TUBGCP2: variants seen among roughly 807,000 people sequenced by gnomAD.
The protein encoded by TUBGCP2 is gamma-tubulin complex component 2.
TUBGCP2 carries 55 observed loss-of-function variants against 92.2 expected under a neutral mutation model. The ratio of observed to expected loss-of-function variants is 0.60; its 90% CI spans 0.48 to 0.75. The LOEUF is 0.75. Among genes scored for constraint, TUBGCP2 ranks in the 30% least tolerant of loss-of-function variants. The pLI is 0.00. For synonymous variants in TUBGCP2, 533 were observed against 505.2 expected, an observed-to-expected ratio of 1.06 and a Z score of -0.74; for missense variants, 1,093 against 1,188.9, an observed-to-expected ratio of 0.92 and a Z score of 1.19.
rs1847707460 is a variant in TUBGCP2, at chr10:133,302,874, T to C, written c.68A>G (p.Asp23Gly). ...LLSLLRVHGG[D>G]GAEVYIDLLQ... is the part of the protein sequence containing the mutation. ...CAGGTCAATGTAGACCTCAGCCCCA[T>C]CTCCTCCGTGGACACGCAGCAGGCT... The change falls in exon 2 of 18, where the codon GAT (aspartate) becomes GGT (glycine). Residue 23 changes from aspartate to glycine, a missense_variant. Asp to Gly is a moderately conservative substitution (Grantham distance 94, BLOSUM62 -1). Around this residue, in one of 3 missense-constraint regions of TUBGCP2, gnomAD observed 490 missense variants for 488.5 expected, o/e 1.00. Transcript: ENST00000252936. The C allele has an allele frequency of 1.9e-6, 3 of 1,614,024 alleles. No homozygotes were observed. Among genetic ancestry groups the C allele is most frequent in the African/African-American group, 2.7e-5 (2 of 75,044 alleles).
intron 2 of TUBGCP2, 30 bp downstream of exon 2, chr10:133,302,762 G>T (rs369099647): frequency 1.9e-6 from 3 of 1,611,274 alleles, no homozygotes; most frequent in Admixed American, 1.7e-5. Flanking sequence ...TGCTCACCCT[G>T]CACAGCGCTA....
At chr10:133,311,945 A>G, upstream of TUBGCP2, 2 of 1,612,902 alleles carry the variant, frequency 1.2e-6, no homozygotes, top group South Asian at 2.2e-5. Flanking sequence ...GAATTCAGAA[A>G]GGTAACGCTG....
intron 1 of TUBGCP2, among the ~76,000 whole-genome samples, chr10:133,305,766 A>G (rs943741558): frequency 6.6e-6 from 1 of 152,168 alleles, no homozygotes; most frequent in Non-Finnish European, 1.5e-5. Context: ...AAATGGAAGG[A>G]GAGCGATAAG....
intron 5 of TUBGCP2, among the ~76,000 whole-genome samples, chr10:133,294,914 C>T (rs1403143321): frequency 6.6e-6 from 1 of 152,176 alleles, no homozygotes; most frequent in Admixed American, 6.5e-5. Flanking sequence ...AAACCGAGAC[C>T]CCAATGTCTA....
chr10:133,295,108 T>C (rs1363250207), intron 5 of TUBGCP2: 1 of 151,322 alleles, frequency 6.6e-6, no homozygotes, highest in Non-Finnish European at 1.5e-5. Context: ...TGCCGTGGGG[T>C]GGGGGTTAGT....
chr10:133,307,287 C>T (rs537760849), intron 1 of TUBGCP2, among the ~76,000 whole-genome samples: 4 of 152,256 alleles, frequency 2.6e-5, no homozygotes, highest in South Asian at 4.1e-4. Context: ...TGTGAGCTAC[C>T]GCAGGGACGC....
chr10:133,295,495 CAG>C (rs1589831802), intron 5 of TUBGCP2: 1 of 152,316 alleles, frequency 6.6e-6, no homozygotes, highest in East Asian at 1.9e-4. Flanking sequence ...TCAACATCCT[CAG>C]TGTCATCTCA....
upstream of TUBGCP2, chr10:133,311,967 C>A (rs749585129): frequency 1.5e-5 from 24 of 1,610,920 alleles, no homozygotes; most frequent in Non-Finnish European, 2.0e-5. Flanking sequence ...GTAAGAAAAT[C>A]GGCTTCCGCC....
chr10:133,288,028 C>G (rs374869811), intron 11 of TUBGCP2, 101 bp downstream of exon 11: 1 of 1,431,358 alleles, frequency 7.0e-7, no homozygotes, highest in East Asian at 2.5e-5. Context: ...GTCGCCTCAC[C>G]GGGACGGGGA....
chr10:133,308,852 G>GC lies in TUBGCP2; in HGVS notation c.-70dup. The GC allele has an allele frequency of 9.0e-7, 1 of 1,111,582 alleles. No individual in the cohort carries two copies. Among genetic ancestry groups the GC allele is most frequent in the East Asian group, 3.7e-5 (1 of 27,240 alleles). 68.9% of individuals were successfully genotyped at this position (1,111,582 alleles called of 1,614,324 possible). ...GTCCCGGAGCCACAGCCCCCGCGCA[G>GC]CCCCCGACGGCGGCGGAAGTGAGCG... is the stretch of plus-strand genomic sequence containing the variant. On this transcript the variant is annotated 5_prime_UTR_variant, in exon 1 of 18. Transcript: ENST00000252936.
rs34167421 is a variant in TUBGCP2 at position 133,299,571 on chromosome 10, T to C, written c.312A>G (p.Glu104=). 37 of 1,613,016 alleles carry C rather than the reference T, an allele frequency of 2.3e-5. No homozygotes were observed. The African/African-American group carries it at 4.0e-4, about 17-fold the overall frequency. The change falls in exon 4 of 18, where the codon GAA becomes GAG. Residue 104 remains glutamate (E), a synonymous_variant. Coordinates refer to ENST00000252936, the MANE Select transcript of TUBGCP2 (RefSeq NM_006659.4). ...TLQYLQQNAK[E]RAELAAAAVG... ...CAGCAGCGGCTGCAAGCTCAGCTCT[T>C]TCTTTTGCATTCTGTTGTAAGTACT...
Position 133,279,872 on chromosome 10 carries a change from C to T in TUBGCP2, c.2603G>A (p.Arg868His), listed in dbSNP as rs372338719. 84 of 1,608,718 alleles carry T rather than the reference C, an allele frequency of 5.2e-5. No homozygotes were observed. The highest frequency in any genetic ancestry group is 6.8e-5 in the Non-Finnish European group (80 of 1,178,214). Residue 868 changes from arginine to histidine, a missense_variant, in exon 18 of 18, where the codon CGC (arginine) becomes CAC (histidine). Physicochemically the swap from Arg to His is conservative, Grantham distance 29. Transcript: ENST00000252936. ...CCTCTCTGCAGACAGGCGCTCCAGG[C>T]GCTCCGTGTAGAAACCATTGAAGTC... ...RLDFNGFYTE[R>H]LERLSAERSQ...
In TUBGCP2 at chr10:133,290,134, G is replaced by T. The variant is rs1847246341; in HGVS notation, c.1215-165C>A. 4.0e-6 allele frequency: 4 copies of T among 988,888 alleles called. No individual in the cohort carries two copies. The East Asian group carries it at 1.1e-4, about 26-fold the overall frequency. The allele number at this position is 988,888 out of a possible 1,614,324, so 61.3% of individuals were successfully genotyped here. A position where few individuals can be genotyped will look rare whatever the true frequency, so the allele number is the denominator to read the frequency against. On this transcript the variant is annotated intron_variant, in intron 8 of 17. Transcript: ENST00000252936. ...AATCTACCAGTTACTTCTCAACTGT[G>T]GGCTAAAACGAACCTAGGGGCCGGG...
rs945189604 is a variant in TUBGCP2, at chr10:133,282,796, C to T, written c.2289+282G>A. On this transcript the variant is annotated intron_variant, in intron 15 of 17. Transcript: ENST00000252936. ...ATAGCTCAAGTGCTGAGGAAAAGAG[C>T]ATGCAAGGGCCATAAGCAAAGGCCC... Among the ~76,000 whole-genome samples, 7 of 152,194 alleles carry T rather than the reference C, an allele frequency of 4.6e-5. No individual in the cohort carries two copies. The South Asian group carries it at 1.0e-3, about 22-fold the overall frequency.
rs770264275 is a variant in TUBGCP2 at position 133,285,297 on chromosome 10, C to A, written c.1896-84G>T. 2 of 1,596,526 alleles carry A rather than the reference C, an allele frequency of 1.3e-6. No individual in the cohort carries two copies. The highest frequency in any genetic ancestry group is 1.3e-5 in the African/African-American group (1 of 74,780). On this transcript the variant is annotated intron_variant, in intron 12 of 17. Transcript: ENST00000252936. This position sits in a 1 kb window ranked among gnomAD's most constrained non-coding sequence, Gnocchi z 6.8. ...CGGCGTCTGTACTCCACAGTCCGCA[C>A]CGTGGCCCCCGGACAGCCCGTGAAT...
chr10:133,293,221 G>C lies in TUBGCP2; in HGVS notation c.842C>G (p.Ser281Cys), dbSNP rs750583240. Residue 281 changes from serine to cysteine, a missense_variant, in exon 7 of 18, where the codon TCT (serine) becomes TGT (cysteine). Ser to Cys is a moderately radical substitution (Grantham distance 112, BLOSUM62 -1). Coordinates refer to ENST00000252936, the MANE Select transcript of TUBGCP2 (RefSeq NM_006659.4). ...SAVTRFIEEK[S>C]SFEYGQVNHA... ...GTTCACCTGCCCGTACTCGAAGGAAGACTTCTCTTCAATGAACCTGGAAGA... is the reference window on the plus strand; with the variant it reads ...GTTCACCTGCCCGTACTCGAAGGAACACTTCTCTTCAATGAACCTGGAAGA... The C allele has an allele frequency of 6.2e-7, 1 of 1,613,660 alleles. No homozygotes were observed. Among genetic ancestry groups the C allele is most frequent in the Non-Finnish European group, 8.5e-7 (1 of 1,180,006 alleles).
In TUBGCP2 at chr10:133,285,349, G is replaced by A. The variant is rs1197196346; in HGVS notation, c.1895+107C>T. 1.3e-6 allele frequency: 2 copies of A among 1,588,436 alleles called. No homozygotes were observed. Among genetic ancestry groups the A allele is most frequent in the Non-Finnish European group, 1.7e-6 (2 of 1,168,662 alleles). On this transcript the variant is annotated intron_variant, in intron 12 of 17. Coordinates refer to ENST00000252936, the MANE Select transcript of TUBGCP2 (RefSeq NM_006659.4). The surrounding 1 kb of genome is among the most constrained non-coding windows in gnomAD (Gnocchi z 6.8). Reference sequence around the variant, plus strand: ...TCTCGGACACTGAAGGCCGGGGAGAGCCGCCTTGGGTCCTCTGTGGGACGA... The same window carrying A: ...TCTCGGACACTGAAGGCCGGGGAGAACCGCCTTGGGTCCTCTGTGGGACGA...
intron 9 of TUBGCP2, 94 bp from the exon 10 acceptor site, chr10:133,289,114 T>C: frequency 7.2e-7 from 1 of 1,394,826 alleles, no homozygotes; most frequent in Non-Finnish European, 9.8e-7. Flanking sequence ...GAATGGACAT[T>C]GAATGGGCTC....
At position 133,285,592 on chromosome 10, in the gene TUBGCP2, A is replaced by G. The variant is rs771008206; in HGVS notation, c.1759T>C (p.Leu587=). The G allele has an allele frequency of 1.3e-6, 2 of 1,542,088 alleles. No homozygotes were observed. Among genetic ancestry groups the G allele is most frequent in the Non-Finnish European group, 1.8e-6 (2 of 1,142,562 alleles). ...LMPHDLITQL[L]RVLAIETKQE... ...TTGGTCTCGATGGCCAGGACGCGCA[A>G]GAGCTGAGTGATGAGGTCATGGGGC... Residue 587 remains leucine (L), a synonymous_variant, in exon 12 of 18, where the codon TTG becomes CTG. Coordinates refer to ENST00000252936, the MANE Select transcript of TUBGCP2 (RefSeq NM_006659.4). The surrounding 1 kb of genome is among the most constrained non-coding windows in gnomAD (Gnocchi z 6.8).
Sources: gnomAD v4.1 joint callset for allele counts (sites outside exome capture counted in the v4.1 genomes callset) on GRCh38, gnomAD v4.1.1 for gene constraint, gnomAD v4.1.1 regional missense constraint, Gnocchi (gnomAD v3.1) non-coding constraint, MANE v1.5 for transcripts, NCBI Gene and HGNC (gene_info 2026-07-23, HGNC 2026-07-21) for gene names.